Variants in TCF15 observed in about 807,000 individuals in gnomAD.
TCF15 encodes TCF-15.
In TCF15, 7 loss-of-function variants were observed where a neutral mutation model predicts 11.1. The ratio of observed to expected loss-of-function variants is 0.63; its 90% CI spans 0.36 to 1.19. The LOEUF (loss-of-function observed/expected upper bound fraction) is 1.19, where lower values mean the gene tolerates loss of function less well. Among genes scored for constraint, TCF15 ranks in the 50% most tolerant of loss-of-function variants. The probability of loss-of-function intolerance (pLI) is 0.02; values close to 1 mark genes in which losing one functional copy is unlikely to be tolerated. For synonymous variants in TCF15, 144 were observed against 138.9 expected, an observed-to-expected ratio of 1.04 and a Z score of -0.26; for missense variants, 288 against 289.4, an observed-to-expected ratio of 1.00 and a Z score of 0.03.
At position 604,670 on chromosome 20, in the gene TCF15, A is replaced by T. The variant is rs762946764; in HGVS notation, c.526-5T>A. ...CCCCAGGTCACGACGGCCACCCTGC[A>T]GAGGGGGAGAAAGAGTATAAAGAGG... On this transcript the variant is annotated splice_region_variant and splice_polypyrimidine_tract_variant and intron_variant, in intron 1 of 1. Coordinates refer to ENST00000246080, the MANE Select transcript of TCF15 (RefSeq NM_004609.4). This position sits in a 1 kb window ranked among gnomAD's most constrained non-coding sequence, Gnocchi z 4.2. 6.4e-7 allele frequency: 1 copy of T among 1,550,394 alleles called. No homozygotes were observed.
Position 609,523 on chromosome 20 carries a change from G to A in TCF15, c.525+190C>T, listed in dbSNP as rs1462832141. Among the ~76,000 whole-genome samples the A allele has an allele frequency of 6.6e-6, 1 of 152,120 alleles. No individual in the cohort carries two copies. The highest frequency in any genetic ancestry group is 6.5e-5 in the Admixed American group (1 of 15,282). ...TCAGACCCGAACTCTGGGTTTTCCCGCATCCTTCTGTTTGGGGGCCTGGGC... is the reference window on the plus strand; with the variant it reads ...TCAGACCCGAACTCTGGGTTTTCCCACATCCTTCTGTTTGGGGGCCTGGGC... On this transcript the variant is annotated intron_variant, in intron 1 of 1. Coordinates refer to ENST00000246080, the MANE Select transcript of TCF15 (RefSeq NM_004609.4). The surrounding 1 kb of genome is among the most constrained non-coding windows in gnomAD (Gnocchi z 4.7).
intron 1 of TCF15, among the ~76,000 whole-genome samples, chr20:606,096 T>G (rs527380385): frequency 6.6e-6 from 1 of 152,240 alleles, no homozygotes; most frequent in African/African-American, 2.4e-5. Context: ...TCCATCCAGA[T>G]GCGAGCCCAG....
In TCF15 at chr20:610,256, T is replaced by C. The variant is rs183989; in HGVS notation, c.-19A>G. 701,481 of 990,526 alleles carry C rather than the reference T, an allele frequency of 0.71. 249,322 individuals are homozygous for C. The highest frequency in any genetic ancestry group is 0.89 in the East Asian group (8,028 of 8,986). The allele number at this position is 990,526 out of a possible 1,614,324, so 61.4% of individuals were successfully genotyped here. ...ACGCCATGGGCGCCGGCCGCGTCCC[T>C]CCGTGCGCCGCGTCCCAGCGTCGGC... On this transcript the variant is annotated 5_prime_UTR_variant, in exon 1 of 2. Transcript: ENST00000246080.
chr20:605,219 TA>T lies in TCF15; in HGVS notation c.526-555del, dbSNP rs546835468. ...CTTCTTTCCCATATGATCTGTTGCTTAAAAAAAATCCAATATATTTTAAAGC... is the reference window on the plus strand; with the variant it reads ...CTTCTTTCCCATATGATCTGTTGCTTAAAAAAATCCAATATATTTTAAAGC... On this transcript the variant is annotated intron_variant, in intron 1 of 1. Transcript: ENST00000246080. Among the ~76,000 whole-genome samples, 290 of 152,194 alleles carry T rather than the reference TA, an allele frequency of 1.9e-3. 1 individual carries two copies. The highest frequency in any genetic ancestry group is 6.0e-3 in the African/African-American group (249 of 41,542).
rs1332472138 is a variant in TCF15, at chr20:604,640, C to T, written c.551G>A (p.Ser184Asn). Residue 184 changes from serine to asparagine, a missense_variant, in exon 2 of 2, where the codon AGC becomes AAC. Physicochemically the swap from Ser to Asn is conservative, Grantham distance 46 (BLOSUM62 1). Transcript: ENST00000246080. This position sits in a 1 kb window ranked among gnomAD's most constrained non-coding sequence, Gnocchi z 4.2. ...KGGGRRDLGG[S>N]CLKVRGVAPL... is the part of the protein sequence containing the mutation. ...GGCCACCCCCCTCACCTTCAAGCAG[C>T]TGCCCCCCAGGTCACGACGGCCACC... 10 of 1,554,030 alleles carry T rather than the reference C, an allele frequency of 6.4e-6. No individual in the cohort carries two copies. The highest frequency in any genetic ancestry group is 8.7e-6 in the Non-Finnish European group (10 of 1,148,198).
In TCF15 at chr20:609,650, C is replaced by CA; in HGVS notation, c.525+62dup. The CA allele has an allele frequency of 3.0e-6, 4 of 1,312,294 alleles. No individual in the cohort carries two copies. The highest frequency in any genetic ancestry group is 3.9e-6 in the Non-Finnish European group (4 of 1,038,310). 81.3% of individuals were successfully genotyped at this position (1,312,294 alleles called of 1,614,324 possible). A position where few individuals can be genotyped will look rare whatever the true frequency, so the allele number is the denominator to read the frequency against. ...GACCCCTGCACCTCTCCGGTTCCCGCAGAGGCGCTGCCCCCCGCCTACCCC... is the reference window on the plus strand; with the variant it reads ...GACCCCTGCACCTCTCCGGTTCCCGCAAGAGGCGCTGCCCCCCGCCTACCCC... On this transcript the variant is annotated intron_variant, in intron 1 of 1. Coordinates refer to ENST00000246080, the MANE Select transcript of TCF15 (RefSeq NM_004609.4). This position sits in a 1 kb window ranked among gnomAD's most constrained non-coding sequence, Gnocchi z 4.7.
At chr20:606,962 G>T (rs1232290317) in intron 1 of TCF15, among the ~76,000 whole-genome samples, 1 of 152,152 alleles carries the variant, frequency 6.6e-6, no homozygotes, top group Non-Finnish European at 1.5e-5. Context: ...TTTGCCAAGG[G>T]CCAACTACTG....
In TCF15 at chr20:610,247, C is replaced by A. The variant is rs1378396708; in HGVS notation, c.-10G>T. On this transcript the variant is annotated 5_prime_UTR_variant, in exon 1 of 2. Transcript: ENST00000246080. ...GCAGCGCGAACGCCATGGGCGCCGG[C>A]CGCGTCCCTCCGTGCGCCGCGTCCC... is the stretch of plus-strand genomic sequence containing the variant. 16 of 993,156 alleles carry A rather than the reference C, an allele frequency of 1.6e-5. No individual in the cohort carries two copies. The highest frequency in any genetic ancestry group is 1.8e-5 in the Non-Finnish European group (15 of 836,312). 61.5% of individuals were successfully genotyped at this position (993,156 alleles called of 1,614,324 possible). A position where few individuals can be genotyped will look rare whatever the true frequency, so the allele number is the denominator to read the frequency against.
Position 604,679 on chromosome 20 carries a change from G to C in TCF15, c.526-14C>G, listed in dbSNP as rs973339252. The C allele has an allele frequency of 3.2e-6, 5 of 1,548,436 alleles. No individual in the cohort carries two copies. The highest frequency in any genetic ancestry group is 1.7e-4 in the Middle Eastern group (1 of 5,996). On this transcript the variant is annotated splice_polypyrimidine_tract_variant and intron_variant, in intron 1 of 1. Coordinates refer to ENST00000246080, the MANE Select transcript of TCF15 (RefSeq NM_004609.4). The surrounding 1 kb of genome is among the most constrained non-coding windows in gnomAD (Gnocchi z 4.2). Reference sequence around the variant, plus strand: ...ACGACGGCCACCCTGCAGAGGGGGAGAAAGAGTATAAAGAGGTTCGATTAG... The same window carrying C: ...ACGACGGCCACCCTGCAGAGGGGGACAAAGAGTATAAAGAGGTTCGATTAG...
Position 609,545 on chromosome 20 carries a change from G to A in TCF15, c.525+168C>T, listed in dbSNP as rs981639310. On this transcript the variant is annotated intron_variant, in intron 1 of 1. Coordinates refer to ENST00000246080, the MANE Select transcript of TCF15 (RefSeq NM_004609.4). The surrounding 1 kb of genome is among the most constrained non-coding windows in gnomAD (Gnocchi z 4.7). ...CCCGCATCCTTCTGTTTGGGGGCCT[G>A]GGCATTAAGTCAGTGGTTCTGGGCT... 7.9e-5 allele frequency among the ~76,000 whole-genome samples: 12 copies of A among 152,144 alleles called. No individual in the cohort carries two copies. Among genetic ancestry groups the A allele is most frequent in the African/African-American group, 2.9e-4 (12 of 41,390 alleles).
intron 1 of TCF15, among the ~76,000 whole-genome samples, chr20:605,618 T>C (rs2122236223): frequency 6.6e-6 from 1 of 152,358 alleles, no homozygotes; most frequent in Admixed American, 6.5e-5. Context: ...GCCCAGGACC[T>C]GACTTGGAGC....
chr20:609,773 G>A lies in TCF15; in HGVS notation c.465C>T (p.Ala155=), dbSNP rs778067232. ...GSAKGAVPAA[A]DGGRQPRSIC... is the part of the protein sequence containing the mutation. Reference sequence around the variant, plus strand: ...TGGAGCGCGGCTGGCGGCCGCCGTCGGCGGCGGCGGGGACGGCGCCCTTGG... The same window carrying A: ...TGGAGCGCGGCTGGCGGCCGCCGTCAGCGGCGGCGGGGACGGCGCCCTTGG... The change falls in exon 1 of 2, where the codon GCC becomes GCT. Residue 155 remains alanine, a synonymous_variant. Coordinates refer to ENST00000246080, the MANE Select transcript of TCF15 (RefSeq NM_004609.4). The surrounding 1 kb of genome is among the most constrained non-coding windows in gnomAD (Gnocchi z 4.7). 107 of 1,409,282 alleles carry A rather than the reference G, an allele frequency of 7.6e-5. No homozygotes were observed. The highest frequency in any genetic ancestry group is 8.8e-5 in the Non-Finnish European group (96 of 1,094,798). The allele number at this position is 1,409,282 out of a possible 1,614,324, so 87.3% of individuals were successfully genotyped here. A position where few individuals can be genotyped will look rare whatever the true frequency, so the allele number is the denominator to read the frequency against.
chr20:606,291 G>A (rs1182307502), intron 1 of TCF15, among the ~76,000 whole-genome samples: 1 of 151,832 alleles, frequency 6.6e-6, no homozygotes, highest in Non-Finnish European at 1.5e-5. Flanking sequence ...TAGAAAACTG[G>A]CCTTCCTCTC....
rs1316127710 is a variant in TCF15 at position 609,539 on chromosome 20, G to A, written c.525+174C>T. ...GGTTTTCCCGCATCCTTCTGTTTGG[G>A]GGCCTGGGCATTAAGTCAGTGGTTC... On this transcript the variant is annotated intron_variant, in intron 1 of 1. Coordinates refer to ENST00000246080, the MANE Select transcript of TCF15 (RefSeq NM_004609.4). This position sits in a 1 kb window ranked among gnomAD's most constrained non-coding sequence, Gnocchi z 4.7. Among the ~76,000 whole-genome samples the A allele has an allele frequency of 6.6e-6, 1 of 152,076 alleles. No homozygotes were observed. Among genetic ancestry groups the A allele is most frequent in the African/African-American group, 2.4e-5 (1 of 41,368 alleles).
Position 609,864 on chromosome 20 carries a change from G to C in TCF15, c.374C>G (p.Ala125Gly), listed in dbSNP as rs1200304041. Residue 125 changes from alanine (A) to glycine (G), a missense_variant, in exon 1 of 2, where the codon GCC (alanine) becomes GGC (glycine). Ala to Gly is a moderately conservative substitution (Grantham distance 60). Transcript: ENST00000246080. This position sits in a 1 kb window ranked among gnomAD's most constrained non-coding sequence, Gnocchi z 4.7. The stretch of plus-strand genomic sequence containing the variant: ...CGAGTCGCCCAGCAGCAGCACGTTG[G>C]CCAGGTGCGCGATGTAGCTGGACGC... ...RLASSYIAHL[A>G]NVLLLGDSAD... 6.5e-7 allele frequency: 1 copy of C among 1,528,338 alleles called. No individual in the cohort carries two copies. The highest frequency in any genetic ancestry group is 8.7e-7 in the Non-Finnish European group (1 of 1,148,514). The allele number at this position is 1,528,338 out of a possible 1,614,324, so 94.7% of individuals were successfully genotyped here.
Position 609,987 on chromosome 20 carries a change from C to T in TCF15, c.251G>A (p.Arg84His). 8 of 1,391,180 alleles carry T rather than the reference C, an allele frequency of 5.8e-6. No homozygotes were observed. The highest frequency in any genetic ancestry group is 2.6e-5 in the Admixed American group (1 of 39,122). 86.2% of individuals were successfully genotyped at this position (1,391,180 alleles called of 1,614,324 possible). The change falls in exon 1 of 2, where the codon CGC (arginine) becomes CAC (histidine). Residue 84 changes from arginine to histidine, a missense_variant. By Grantham distance (29) the Arg-to-His change is conservative (BLOSUM62 0). Coordinates refer to ENST00000246080, the MANE Select transcript of TCF15 (RefSeq NM_004609.4). The surrounding 1 kb of genome is among the most constrained non-coding windows in gnomAD (Gnocchi z 4.7). Reference protein sequence around the residue: ...RQAANARERDRTQSVNTAFTA... With the variant: ...RQAANARERDHTQSVNTAFTA... The stretch of plus-strand genomic sequence containing the variant: ...GAAGGCCGTGTTCACGCTCTGAGTG[C>T]GGTCCCGCTCCCGCGCGTTGGCCGC...
At position 610,276 on chromosome 20, in the gene TCF15, G is replaced by T. The variant is rs1175955658; in HGVS notation, c.-39C>A. The T allele has an allele frequency of 3.0e-6, 3 of 988,188 alleles. No individual in the cohort carries two copies. The highest frequency in any genetic ancestry group is 3.6e-6 in the Non-Finnish European group (3 of 832,704). The allele number at this position is 988,188 out of a possible 1,614,324, so 61.2% of individuals were successfully genotyped here. On this transcript the variant is annotated 5_prime_UTR_variant, in exon 1 of 2. Coordinates refer to ENST00000246080, the MANE Select transcript of TCF15 (RefSeq NM_004609.4). ...GTCCCTCCGTGCGCCGCGTCCCAGCGTCGGCCGCGCCCCGCCGTGCGCTCC... is the reference window on the plus strand; with the variant it reads ...GTCCCTCCGTGCGCCGCGTCCCAGCTTCGGCCGCGCCCCGCCGTGCGCTCC...
At chr20:608,728 C>G (rs1211662920) in intron 1 of TCF15, among the ~76,000 whole-genome samples, 1 of 152,208 alleles carries the variant, frequency 6.6e-6, no homozygotes, top group Non-Finnish European at 1.5e-5. Flanking sequence ...CCATGCCCTT[C>G]CACTTGGCCA....
intron 1 of TCF15, among the ~76,000 whole-genome samples, chr20:608,384 G>A (rs930886067): frequency 2.6e-5 from 4 of 152,202 alleles, no homozygotes. Context: ...GGCAGTCAGG[G>A]AGTATCCCTG....
Sources: allele counts gnomAD v4.1 joint callset (sites outside exome capture counted in the v4.1 genomes callset), GRCh38; gene constraint gnomAD v4.1.1; non-coding constraint Gnocchi (gnomAD v3.1); transcripts MANE v1.5; gene names NCBI Gene and HGNC (gene_info 2026-07-23, HGNC 2026-07-21).